PDZRN4: variants seen among roughly 807,000 people sequenced by gnomAD.
PDZRN4 encodes the protein PDZ domain-containing RING finger protein 4.
In PDZRN4, 70 loss-of-function variants were observed where a neutral mutation model predicts 99.0. The ratio of observed to expected loss-of-function variants is 0.71; its 90% CI spans 0.58 to 0.86. The LOEUF is 0.86. Among genes scored for constraint, PDZRN4 ranks in the 40% least tolerant of loss-of-function variants. The pLI, the probability that PDZRN4 is intolerant of heterozygous loss-of-function variation, is 0.00. For synonymous variants in PDZRN4, 551 were observed against 501.6 expected (o/e 1.10, Z -1.32); for missense variants, 1,474 against 1,331.2 (o/e 1.11, Z -1.67).
intron 3 of PDZRN4, among the ~76,000 whole-genome samples, chr12:41,425,303 G>C (rs980548971): frequency 6.6e-6 from 1 of 151,234 alleles, no homozygotes; most frequent in Non-Finnish European, 1.5e-5. Flanking sequence ...CTGGTAGGAA[G>C]GTAACCTAGA....
intron 5 of PDZRN4, among the ~76,000 whole-genome samples, chr12:41,522,924 TA>T (rs1488661954): frequency 6.6e-6 from 1 of 152,108 alleles, no homozygotes; most frequent in African/African-American, 2.4e-5. Context: ...CTCTTCCCTA[TA>T]AATAACTTGC....
chr12:41,568,419 G>T (rs1371526587), intron 9 of PDZRN4, among the ~76,000 whole-genome samples: 1 of 152,098 alleles, frequency 6.6e-6, no homozygotes, highest in Non-Finnish European at 1.5e-5. Context: ...TGGTCTTATG[G>T]CTGCTGTTGA....
At position 41,369,496 on chromosome 12, in the gene PDZRN4, C is replaced by T. The variant is rs573010166; in HGVS notation, c.844-136960C>T. Among the ~76,000 whole-genome samples the T allele has an allele frequency of 2.6e-5, 4 of 152,048 alleles. No homozygotes were observed. In the South Asian group the frequency reaches 8.3e-4, roughly 32 times the overall value. On this transcript the variant is annotated intron_variant, in intron 3 of 9. Coordinates refer to ENST00000402685, the MANE Select transcript of PDZRN4 (RefSeq NM_001164595.2). ...GTTTGCACTTAACATTGTATCAATTCTCTTTTTAATTTTCATTTCATTAAT... is the reference window on the plus strand; with the variant it reads ...GTTTGCACTTAACATTGTATCAATTTTCTTTTTAATTTTCATTTCATTAAT...
chr12:41,479,670 C>T, intron 3 of PDZRN4, among the ~76,000 whole-genome samples: 1 of 152,144 alleles, frequency 6.6e-6, no homozygotes, highest in Non-Finnish European at 1.5e-5. Flanking sequence ...GCAAGAAAGA[C>T]TTCACAAGAG....
intron 7 of PDZRN4, among the ~76,000 whole-genome samples, chr12:41,557,374 T>C (rs1565614753): frequency 6.6e-6 from 1 of 152,120 alleles, no homozygotes; most frequent in Non-Finnish European, 1.5e-5. Context: ...TTTCTCCTTG[T>C]TGGATACAGA....
At chr12:41,489,986 GATTA>G (rs1011042647) in intron 3 of PDZRN4, among the ~76,000 whole-genome samples, 3 of 151,604 alleles carry the variant, frequency 2.0e-5, no homozygotes, top group African/African-American at 4.9e-5. Context: ...ACTGTACAGT[GATTA>G]ATTAACTGAT....
intron 3 of PDZRN4, among the ~76,000 whole-genome samples, chr12:41,348,146 G>A (rs905120944): frequency 1.3e-5 from 2 of 152,028 alleles, no homozygotes; most frequent in Non-Finnish European, 2.9e-5. Context: ...AAAGTTTTGG[G>A]AGATTATCCC....
At chr12:41,460,560 A>G (rs1003696966) in intron 3 of PDZRN4, among the ~76,000 whole-genome samples, 2 of 152,254 alleles carry the variant, frequency 1.3e-5, no homozygotes, top group African/African-American at 4.8e-5. Flanking sequence ...ATGGAGAAAT[A>G]ACTGGCTTAG....
chr12:41,534,189 T>C (rs1486251014), intron 5 of PDZRN4, among the ~76,000 whole-genome samples: 1 of 152,212 alleles, frequency 6.6e-6, no homozygotes, highest in Non-Finnish European at 1.5e-5. Flanking sequence ...CTATATACAT[T>C]CCAGATTTGG....
intron 3 of PDZRN4, among the ~76,000 whole-genome samples, chr12:41,418,399 C>T (rs141012319): frequency 6.6e-6 from 1 of 152,250 alleles, no homozygotes; most frequent in African/African-American, 2.4e-5. Context: ...CTAACAAAGG[C>T]ATTCCAGTTT....
chr12:41,505,028 A>G (rs1938180581), intron 3 of PDZRN4, among the ~76,000 whole-genome samples: 1 of 152,178 alleles, frequency 6.6e-6, no homozygotes, highest in African/African-American at 2.4e-5. Context: ...TCTACATGAC[A>G]TGATGATTTC....
At chr12:41,327,285 G>T (rs1951715701) in intron 3 of PDZRN4, among the ~76,000 whole-genome samples, 2 of 152,236 alleles carry the variant, frequency 1.3e-5, no homozygotes, top group Admixed American at 6.5e-5. Context: ...CTGTGGGTTT[G>T]CTCCTTAGGG....
At chr12:41,211,685 G>T (rs1950889618) in intron 3 of PDZRN4, among the ~76,000 whole-genome samples, 1 of 151,930 alleles carries the variant, frequency 6.6e-6, no homozygotes, top group East Asian at 1.9e-4. Context: ...GACTGTTTAG[G>T]CAGGAGGCAC....
At position 41,573,545 on chromosome 12, in the gene PDZRN4, G is replaced by T; in HGVS notation, c.2766G>T (p.Arg922=). ...GTGCCTTAAAGATCAAGGAAGAGCG[G>T]AGTGGCATGACCACAGACGATGACA... ...KERALKIKEE[R]SGMTTDDDTM... is the part of the protein sequence containing the mutation. Residue 922 remains arginine, a synonymous_variant, in exon 10 of 10, where the codon CGG becomes CGT. Transcript: ENST00000402685. 1 of 1,613,396 alleles carries T rather than the reference G, an allele frequency of 6.2e-7. No individual in the cohort carries two copies.
intron 3 of PDZRN4, among the ~76,000 whole-genome samples, chr12:41,296,922 C>A (rs1319607472): frequency 1.3e-5 from 2 of 152,144 alleles, no homozygotes; most frequent in Non-Finnish European, 2.9e-5. Flanking sequence ...CATGCCACTG[C>A]ACTCCAGCCT....
chr12:41,554,612 G>A (rs1047136129), intron 6 of PDZRN4, among the ~76,000 whole-genome samples: 1 of 151,830 alleles, frequency 6.6e-6, no homozygotes, highest in Non-Finnish European at 1.5e-5. Context: ...AATAAAGTTT[G>A]AAGCCATCAC....
Position 41,572,616 on chromosome 12 carries a change from G to T in PDZRN4, c.1837G>T (p.Asp613Tyr). 6.2e-7 allele frequency: 1 copy of T among 1,614,114 alleles called. No individual in the cohort carries two copies. Among genetic ancestry groups the T allele is most frequent in the Non-Finnish European group, 8.5e-7 (1 of 1,180,022 alleles). Residue 613 changes from aspartate (D) to tyrosine (Y), a missense_variant, in exon 10 of 10, where the codon GAC becomes TAC. By Grantham distance (160) the Asp-to-Tyr change is radical. Coordinates refer to ENST00000402685, the MANE Select transcript of PDZRN4 (RefSeq NM_001164595.2). ...GAGCCTCGTATCTGGTGAATACATTGACTCAGACTGCATTGGCAACCCAGA... is the reference window on the plus strand; with the variant it reads ...GAGCCTCGTATCTGGTGAATACATTTACTCAGACTGCATTGGCAACCCAGA... ...NESLVSGEYI[D>Y]SDCIGNPDED...
chr12:41,301,303 C>T (rs897946956), intron 3 of PDZRN4, among the ~76,000 whole-genome samples: 3 of 151,986 alleles, frequency 2.0e-5, no homozygotes, highest in Non-Finnish European at 2.9e-5. Flanking sequence ...ACATTTAATA[C>T]ATTTAGCTTT....
chr12:41,411,648 G>A (rs1350001042), intron 3 of PDZRN4: 8 of 152,146 alleles, frequency 5.3e-5, no homozygotes, highest in East Asian at 1.9e-4. Flanking sequence ...TGATCCTACC[G>A]TGTTATTGCT....
Sources: allele counts gnomAD v4.1 joint callset (sites outside exome capture counted in the v4.1 genomes callset), GRCh38; gene constraint gnomAD v4.1.1; transcripts MANE v1.5; gene names NCBI Gene and HGNC (gene_info 2026-07-23, HGNC 2026-07-21).